PIK3AP1: variants seen among roughly 807,000 people sequenced by gnomAD.
The protein encoded by PIK3AP1 is phosphoinositide 3-kinase adapter protein 1.
Under a neutral mutation model 88.1 loss-of-function variants are expected in PIK3AP1, and 21 were observed. The ratio of observed to expected loss-of-function variants is 0.24; its 90% confidence interval spans 0.17 to 0.34. The LOEUF (loss-of-function observed/expected upper bound fraction) is 0.34. Ranked by LOEUF, PIK3AP1 falls within the 10% of genes least tolerant of loss-of-function variation. PIK3AP1 has a pLI of 1.00. For missense variants in PIK3AP1, 828 were observed against 1,035.7 expected (o/e 0.80, Z 2.75); for synonymous variants, 398 against 400.0 (o/e 1.00, Z 0.06).
chr10:96,616,212 G>A (rs1849212741), intron 13 of PIK3AP1, among the ~76,000 whole-genome samples: 1 of 152,180 alleles, frequency 6.6e-6, no homozygotes, highest in Non-Finnish European at 1.5e-5. Flanking sequence ...CTGAAGCACT[G>A]TATGGTGTGG....
intron 8 of PIK3AP1, among the ~76,000 whole-genome samples, chr10:96,637,884 C>T (rs2134219629): frequency 6.6e-6 from 1 of 152,314 alleles, no homozygotes; most frequent in South Asian, 2.1e-4. Context: ...CATCAAACTC[C>T]AGGCTCTCCA....
At chr10:96,603,705 CA>C (rs376273277) in intron 15 of PIK3AP1, 175 of 220,324 alleles carry the variant, frequency 7.9e-4, no homozygotes, top group East Asian at 5.3e-3. Context: ...CACACACACA[CA>C]CACACCACAT....
intron 2 of PIK3AP1, among the ~76,000 whole-genome samples, chr10:96,660,495 G>A (rs1267268923): frequency 6.6e-6 from 1 of 152,166 alleles, no homozygotes; most frequent in Non-Finnish European, 1.5e-5. Context: ...GTCAGGAAGT[G>A]GAGCAACAAG....
chr10:96,632,357 A>G (rs934345302), intron 8 of PIK3AP1, among the ~76,000 whole-genome samples: 16 of 152,170 alleles, frequency 1.1e-4, no homozygotes, highest in Non-Finnish European at 2.1e-4. Flanking sequence ...AAAGGTATGT[A>G]AGAACTCTGA....
At chr10:96,717,356 G>A (rs1187201493) in intron 1 of PIK3AP1, among the ~76,000 whole-genome samples, 3 of 151,732 alleles carry the variant, frequency 2.0e-5, no homozygotes, top group Non-Finnish European at 2.9e-5. Context: ...TCAGCCTATA[G>A]GTGACTCTGG....
chr10:96,621,969 A>G (rs1019726892), intron 11 of PIK3AP1, among the ~76,000 whole-genome samples: 1 of 152,196 alleles, frequency 6.6e-6, no homozygotes, highest in South Asian at 2.1e-4. Flanking sequence ...ATCACTTCCA[A>G]TTGAGAACCA....
intron 8 of PIK3AP1, chr10:96,632,764 G>C: frequency 8.4e-7 from 1 of 1,190,600 alleles, no homozygotes; most frequent in Non-Finnish European, 1.2e-6. Context: ...TTAGAAGCGT[G>C]GGCATTAGGA....
intron 8 of PIK3AP1, among the ~76,000 whole-genome samples, chr10:96,636,164 C>T (rs565635045): frequency 6.6e-6 from 1 of 152,090 alleles, no homozygotes; most frequent in South Asian, 2.1e-4. Context: ...TTGCAGTGAG[C>T]CAAGATTGTG....
At chr10:96,603,789 C>A in intron 15 of PIK3AP1, 190 bp downstream of exon 15, 1 of 560,162 alleles carries the variant, frequency 1.8e-6, no homozygotes, top group East Asian at 3.2e-5. Context: ...TCCCATTCCT[C>A]CTCCCTCCAG....
In PIK3AP1 at chr10:96,690,048, G is replaced by T. The variant is rs186329990; in HGVS notation, c.430+19519C>A. 4.6e-5 allele frequency among the ~76,000 whole-genome samples: 7 copies of T among 152,288 alleles called. No individual in the cohort carries two copies. In the East Asian group the frequency reaches 1.2e-3, roughly 25 times the overall value. ...TCCAGGAATCCTAATCTGCCCTTCA[G>T]AGCATCTTCAGACTACACTGTGCTT... On this transcript the variant is annotated intron_variant, in intron 2 of 16. Transcript: ENST00000339364.
At chr10:96,619,956 T>A (rs951424511) in intron 12 of PIK3AP1, among the ~76,000 whole-genome samples, 1 of 152,232 alleles carries the variant, frequency 6.6e-6, no homozygotes, top group South Asian at 2.1e-4. Flanking sequence ...TTTTCCAAGT[T>A]CTCTTTGAGT....
At chr10:96,645,230 C>A (rs1589510700) in intron 8 of PIK3AP1, among the ~76,000 whole-genome samples, 1 of 152,264 alleles carries the variant, frequency 6.6e-6, no homozygotes, top group Non-Finnish European at 1.5e-5. Context: ...GCAATGAGTT[C>A]ATCAATTCTG....
chr10:96,633,310 A>T, intron 8 of PIK3AP1: 1 of 358,224 alleles, frequency 2.8e-6, no homozygotes, highest in Non-Finnish European at 5.0e-6. Flanking sequence ...GGGGTAACAG[A>T]GCTAGGAAGT....
intron 2 of PIK3AP1, among the ~76,000 whole-genome samples, chr10:96,683,374 A>G (rs1410479491): frequency 6.6e-6 from 1 of 152,236 alleles, no homozygotes; most frequent in African/African-American, 2.4e-5. Context: ...TCACTCTATG[A>G]GTACAATGCT....
intron 2 of PIK3AP1, among the ~76,000 whole-genome samples, chr10:96,661,792 TAGGACAGGACAGGAC>T (rs138792870): frequency 0.011 from 1,518 of 141,318 alleles, 23 homozygotes; most frequent in African/African-American, 0.039. Context: ...AAGGACAGGA[TAGGACAGGACAGGAC>T]AGGACAGGAC....
chr10:96,628,918 A>ATATATATTTATT (rs1554955405), intron 8 of PIK3AP1, among the ~76,000 whole-genome samples: 1 of 122,562 alleles, frequency 8.2e-6, no homozygotes, highest in African/African-American at 3.1e-5. Context: ...GTGTATATAT[A>ATATATATTTATT]TATATATATA....
At chr10:96,640,883 G>A (rs1025495768) in intron 8 of PIK3AP1, among the ~76,000 whole-genome samples, 2 of 151,934 alleles carry the variant, frequency 1.3e-5, no homozygotes, top group East Asian at 1.9e-4. Context: ...GGCTGGTCTC[G>A]AACTCCTGGG....
chr10:96,677,420 C>T (rs1001278292), intron 2 of PIK3AP1, among the ~76,000 whole-genome samples: 7 of 152,120 alleles, frequency 4.6e-5, no homozygotes, highest in African/African-American at 1.7e-4. Flanking sequence ...CACCATTCAC[C>T]ACTTGGCCTT....
In PIK3AP1 at chr10:96,692,843, A is replaced by C. The variant is rs75634048; in HGVS notation, c.430+16724T>G. ...TCTTAATGTTCAGTTTTGTTTTTCA[A>C]AATAAAAGTCCCAATCAAGAATTTA... On this transcript the variant is annotated intron_variant, in intron 2 of 16. Transcript: ENST00000339364. Among the ~76,000 whole-genome samples the C allele has an allele frequency of 7.6e-3, 1,152 of 152,338 alleles. 6 individuals carry two copies. Among genetic ancestry groups the C allele is most frequent in the Non-Finnish European group, 0.013 (853 of 68,030 alleles).
Sources: gnomAD v4.1 joint callset for allele counts (sites outside exome capture counted in the v4.1 genomes callset) on GRCh38, gnomAD v4.1.1 for gene constraint, MANE v1.5 for transcripts, NCBI Gene and HGNC (gene_info 2026-07-23, HGNC 2026-07-21) for gene names.